Variants in CLCN4 observed in about 807,000 individuals in gnomAD.
CLCN4 encodes the protein Cl-/H+ antiporter 4.
In CLCN4, 1 loss-of-function variant was observed where a neutral mutation model predicts 41.7. The observed-to-expected ratio is 0.02, with a 90% CI of 0.01 to 0.11. CLCN4 has a LOEUF of 0.11. Ranked by LOEUF, CLCN4 falls within the 10% of genes least tolerant of loss-of-function variation. The pLI, the probability that CLCN4 is intolerant of heterozygous loss-of-function variation, is 1.00. For missense variants in CLCN4, 287 were observed against 661.0 expected, an observed-to-expected ratio of 0.43 and a Z score of 6.20; for synonymous variants, 277 against 285.8, an observed-to-expected ratio of 0.97 and a Z score of 0.31.
In CLCN4 at chrX:10,212,452, C is replaced by G; in HGVS notation, c.1390-15C>G. 1.7e-6 allele frequency: 2 copies of G among 1,205,915 alleles called. No homozygotes were observed. Among genetic ancestry groups the G allele is most frequent in the African/African-American group, 1.7e-5 (1 of 57,723 alleles). ...TCTTTTTCCCTCATGTTGCTTTTCT[C>G]TGTGTCTCCTCAAGATCCCGTCGGG... On this transcript the variant is annotated splice_polypyrimidine_tract_variant and intron_variant, in intron 9 of 12. Transcript: ENST00000380833.
chrX:10,166,483 T>C (rs958942476), intron 2 of CLCN4, among the ~76,000 whole-genome samples: 1 of 111,297 alleles, frequency 9.0e-6, no homozygotes, highest in Non-Finnish European at 1.9e-5. Flanking sequence ...TGGCCCCCAG[T>C]GCCCTCTCCA....
At chrX:10,206,590 A>G (rs759480697) in intron 7 of CLCN4, 26 bp downstream of exon 7, 11 of 1,203,282 alleles carry the variant, frequency 9.1e-6, no homozygotes, top group Non-Finnish European at 1.2e-5. Context: ...TTCCATCTGC[A>G]GCGAAACTTT....
At chrX:10,217,715 T>C (rs1924761121) in intron 11 of CLCN4, among the ~76,000 whole-genome samples, 1 of 110,023 alleles carries the variant, frequency 9.1e-6, no homozygotes, top group East Asian at 2.8e-4. Context: ...TTGAGTAACC[T>C]TAGCAGGTGC....
chrX:10,182,753 A>G (rs1175170983), intron 2 of CLCN4, among the ~76,000 whole-genome samples: 2 of 112,224 alleles, frequency 1.8e-5, no homozygotes, highest in Non-Finnish European at 3.8e-5. Flanking sequence ...TCCCAACCTC[A>G]CAATAGACAC....
intron 2 of CLCN4, among the ~76,000 whole-genome samples, chrX:10,160,488 C>T (rs1923064228): frequency 9.0e-6 from 1 of 111,215 alleles, no homozygotes; most frequent in Admixed American, 9.5e-5. Flanking sequence ...GCCGGGGCTT[C>T]GTGCTCAGCA....
chrX:10,158,259 T>C (rs1923000490), intron 1 of CLCN4, 30 bp from the exon 2 acceptor site: 1 of 287,153 alleles, frequency 3.5e-6, no homozygotes, highest in South Asian at 2.3e-4. Flanking sequence ...TCTCCTCCTG[T>C]GTGTTGTTTT....
At position 10,236,015 on chromosome X, in the gene CLCN4, C is replaced by T. The variant is rs768681468; in HGVS notation, c.*2431C>T. The T allele has an allele frequency of 2.7e-5, 3 of 112,501 alleles. No homozygotes were observed. The highest frequency in any genetic ancestry group is 2.8e-4 in the East Asian group (1 of 3,553). The allele number at this position is 112,501 out of a possible 1,213,427, so 9.3% of individuals were successfully genotyped here. On this transcript the variant is annotated 3_prime_UTR_variant, in exon 13 of 13. Coordinates refer to ENST00000380833, the MANE Select transcript of CLCN4 (RefSeq NM_001830.4). The stretch of plus-strand genomic sequence containing the variant: ...TCTTAATGACCGCTTCATGTAGTTC[C>T]CCTCTTATTCCCCTGTGGTCTCCTC...
intron 12 of CLCN4, among the ~76,000 whole-genome samples, chrX:10,230,350 C>T (rs1192180341): frequency 1.8e-5 from 2 of 111,922 alleles, no homozygotes; most frequent in South Asian, 3.8e-4. Context: ...CTAATGAGAC[C>T]GGGGCCCACT....
At chrX:10,191,123 G>A (rs1326998573) in intron 4 of CLCN4, among the ~76,000 whole-genome samples, 1 of 111,399 alleles carries the variant, frequency 9.0e-6, no homozygotes, top group Non-Finnish European at 1.9e-5. Context: ...CACCGTGGTC[G>A]ATTTTAGAAT....
chrX:10,166,387 C>T (rs1004810035), intron 2 of CLCN4, among the ~76,000 whole-genome samples: 2 of 112,136 alleles, frequency 1.8e-5, no homozygotes, highest in African/African-American at 3.2e-5. Flanking sequence ...CTAGCAAGCA[C>T]GTGCAGCAGC....
chrX:10,199,463 G>C (rs1269222956), intron 6 of CLCN4, among the ~76,000 whole-genome samples: 1 of 111,918 alleles, frequency 8.9e-6, no homozygotes, highest in Non-Finnish European at 1.9e-5. Flanking sequence ...CAACTTACGC[G>C]TTGCTGTGAA....
chrX:10,221,084 G>T (rs1924849255), intron 12 of CLCN4, among the ~76,000 whole-genome samples: 2 of 111,300 alleles, frequency 1.8e-5, no homozygotes, highest in African/African-American at 3.3e-5. Context: ...GAAGGGGGTG[G>T]TCCAGGCTGG....
chrX:10,236,843 T>G lies in CLCN4; in HGVS notation c.*3259T>G, dbSNP rs1333793625. 1 of 111,599 alleles carries G rather than the reference T, an allele frequency of 9.0e-6. No individual in the cohort carries two copies. Among genetic ancestry groups the G allele is most frequent in the Non-Finnish European group, 1.9e-5 (1 of 53,064 alleles). The allele number at this position is 111,599 out of a possible 1,213,427, so 9.2% of individuals were successfully genotyped here. ...CAACACATCATGGGAAAGGAGCTCT[T>G]TCATGATATACATCACATGTTTCTT... On this transcript the variant is annotated 3_prime_UTR_variant, in exon 13 of 13. Coordinates refer to ENST00000380833, the MANE Select transcript of CLCN4 (RefSeq NM_001830.4).
At chrX:10,205,859 T>A (rs892113138) in intron 6 of CLCN4, among the ~76,000 whole-genome samples, 6 of 109,875 alleles carry the variant, frequency 5.5e-5, no homozygotes, top group Admixed American at 4.9e-4. Context: ...GCTCAAGCGA[T>A]CCTCCCACCT....
intron 5 of CLCN4, among the ~76,000 whole-genome samples, chrX:10,197,420 A>G (rs1924124961): frequency 9.0e-6 from 1 of 111,216 alleles, no homozygotes; most frequent in Non-Finnish European, 1.9e-5. Flanking sequence ...CATGTCTCAT[A>G]AGCCACTGAT....
intron 5 of CLCN4, among the ~76,000 whole-genome samples, chrX:10,195,620 A>G (rs749759375): frequency 9.9e-5 from 11 of 111,322 alleles, no homozygotes; most frequent in African/African-American, 3.6e-4. Flanking sequence ...CCTTTCCAAA[A>G]CTCTGTCTCC....
intron 12 of CLCN4, among the ~76,000 whole-genome samples, chrX:10,224,715 G>A (rs1924948087): frequency 8.9e-6 from 1 of 111,745 alleles, no homozygotes; most frequent in Non-Finnish European, 1.9e-5. Flanking sequence ...AGCCCCATAT[G>A]CATTAGCTAT....
intron 12 of CLCN4, among the ~76,000 whole-genome samples, chrX:10,230,396 C>T (rs1013585716): frequency 1.8e-5 from 2 of 111,945 alleles, no homozygotes; most frequent in Admixed American, 1.9e-4. Context: ...GGTGATTTGG[C>T]GAAGTATTGG....
In CLCN4 at chrX:10,175,214, C is replaced by G. The variant is rs1042236739; in HGVS notation, c.-11-9808C>G. Among the ~76,000 whole-genome samples the G allele has an allele frequency of 8.1e-5, 9 of 111,553 alleles. No individual in the cohort carries two copies. The Admixed American group carries it at 8.6e-4, about 11-fold the overall frequency. On this transcript the variant is annotated intron_variant, in intron 2 of 12. Coordinates refer to ENST00000380833, the MANE Select transcript of CLCN4 (RefSeq NM_001830.4). ...GCGGTGACCTGGGTAGGAGCTCCAG[C>G]TTAGGGTCTGAAGGCCGTGGGGAGG... is the stretch of plus-strand genomic sequence containing the variant.
Sources: allele counts gnomAD v4.1 joint callset (sites outside exome capture counted in the v4.1 genomes callset), GRCh38; gene constraint gnomAD v4.1.1; transcripts MANE v1.5; gene names NCBI Gene and HGNC (gene_info 2026-07-23, HGNC 2026-07-21).